The following USP54 variants were observed in gnomAD, a reference collection of about 807,000 sequenced individuals.
USP54 encodes the protein ubiquitin specific peptidase 54, also known as ubiquitin carboxyl-terminal hydrolase 54.
In USP54, 87 loss-of-function variants were observed where a neutral mutation model predicts 170.5. That is an observed-to-expected ratio of 0.51 (90% CI 0.43 to 0.61). The LOEUF is 0.61. Ranked by LOEUF, USP54 falls within the 20% of genes least tolerant of loss-of-function variation. The pLI, the probability that USP54 is intolerant of heterozygous loss-of-function variation, is 0.00. For missense variants in USP54, 1,786 were observed against 2,047.8 expected (o/e 0.87, Z 2.47); for synonymous variants, 655 against 742.8 (o/e 0.88, Z 1.92).
At chr10:73,602,261 A>G (rs117762617) in intron 1 of USP54, among the ~76,000 whole-genome samples, 3,952 of 152,292 alleles carry the variant, frequency 0.026, 64 homozygotes, top group Middle Eastern at 0.048. Context: ...TCATGAAAAA[A>G]TAGTATAATA....
At chr10:73,548,783 A>G (rs1001770843) in intron 4 of USP54, among the ~76,000 whole-genome samples, 1 of 152,188 alleles carries the variant, frequency 6.6e-6, no homozygotes, top group African/African-American at 2.4e-5. Context: ...AATATAAATG[A>G]CGAACTGATG....
intron 1 of USP54, among the ~76,000 whole-genome samples, chr10:73,597,869 G>C (rs2078856281): frequency 6.6e-6 from 1 of 152,150 alleles, no homozygotes; most frequent in Non-Finnish European, 1.5e-5. Context: ...TGGATCACCT[G>C]AGGTTAGGAG....
At chr10:73,613,445 ATT>A (rs557903103) in intron 1 of USP54, among the ~76,000 whole-genome samples, 2 of 144,750 alleles carry the variant, frequency 1.4e-5, no homozygotes, top group Admixed American at 7.0e-5. Flanking sequence ...GCCTACCACC[ATT>A]TTTTTTTTTG....
At chr10:73,564,019 T>G (rs1352851601) in intron 4 of USP54, among the ~76,000 whole-genome samples, 2 of 150,666 alleles carry the variant, frequency 1.3e-5, no homozygotes, top group Non-Finnish European at 3.0e-5. Context: ...AAAAAAACAC[T>G]GAGACAGAGT....
At chr10:73,560,539 C>CT (rs978255597) in intron 4 of USP54, among the ~76,000 whole-genome samples, 4 of 150,592 alleles carry the variant, frequency 2.7e-5, no homozygotes, top group African/African-American at 9.8e-5. Context: ...TGGCGGGTGC[C>CT]TGTAGTCCCA....
intron 15 of USP54, among the ~76,000 whole-genome samples, chr10:73,527,498 C>CAAAAAAAAAAAAAAA (rs931778033): frequency 3.8e-5 from 2 of 52,144 alleles, no homozygotes; most frequent in Non-Finnish European, 8.0e-5. Context: ...CACTCCATCT[C>CAAAAAAAAAAAAAAA]AAAAAAAAAA....
chr10:73,624,342 C>A (rs1251233131), intron 1 of USP54: 1 of 145,218 alleles, frequency 6.9e-6, no homozygotes, highest in Admixed American at 7.1e-5. Context: ...GGATTGCAGG[C>A]GCGCGCCACC....
chr10:73,531,848 T>C (rs2048653724), intron 12 of USP54, among the ~76,000 whole-genome samples: 1 of 152,162 alleles, frequency 6.6e-6, no homozygotes, highest in African/African-American at 2.4e-5. Flanking sequence ...GAGCATGATT[T>C]GATGACAGCA....
intron 4 of USP54, among the ~76,000 whole-genome samples, chr10:73,546,842 A>G (rs987691143): frequency 1.3e-5 from 2 of 152,054 alleles, no homozygotes; most frequent in Admixed American, 1.3e-4. Flanking sequence ...GCTGTCTCCA[A>G]TTTTTTGCTA....
At chr10:73,520,189 T>C (rs1479992712) in intron 18 of USP54, 197 bp from the exon 19 acceptor site, 6 of 716,004 alleles carry the variant, frequency 8.4e-6, no homozygotes, top group East Asian at 5.6e-5. Flanking sequence ...ATGGAAGCCA[T>C]GGAGGCCAAA....
chr10:73,521,749 C>A (rs1214806421), intron 17 of USP54, among the ~76,000 whole-genome samples: 1 of 152,194 alleles, frequency 6.6e-6, no homozygotes. Context: ...AAAACTACCC[C>A]CAAAGAAGTC....
chr10:73,605,255 G>A (rs1262544121), intron 1 of USP54, among the ~76,000 whole-genome samples: 6 of 152,110 alleles, frequency 3.9e-5, no homozygotes, highest in African/African-American at 9.7e-5. Flanking sequence ...TAGTAGAGAC[G>A]GGGTTTTACC....
chr10:73,529,946 G>A (rs1238618934), intron 14 of USP54, 35 bp from the exon 15 acceptor site: 2 of 1,516,104 alleles, frequency 1.3e-6, no homozygotes, highest in South Asian at 2.7e-5. Context: ...GGAAAATGAG[G>A]TAGATTTAGC....
At chr10:73,563,205 C>CA (rs1278026910) in intron 4 of USP54, among the ~76,000 whole-genome samples, 1 of 152,136 alleles carries the variant, frequency 6.6e-6, no homozygotes, top group East Asian at 1.9e-4. Context: ...CCTCCTGCCT[C>CA]AGCCTCCCAA....
intron 1 of USP54, among the ~76,000 whole-genome samples, chr10:73,624,974 A>T (rs995363689): frequency 6.6e-6 from 1 of 151,394 alleles, no homozygotes; most frequent in African/African-American, 2.4e-5. Flanking sequence ...TGCTGCAATT[A>T]AAAAAAAATT....
At chr10:73,588,747 A>G (rs1227662527) in intron 1 of USP54, among the ~76,000 whole-genome samples, 1 of 152,130 alleles carries the variant, frequency 6.6e-6, no homozygotes, top group East Asian at 1.9e-4. Flanking sequence ...TTCCAACCTC[A>G]TCTACCCTTA....
chr10:73,541,892 A>T lies in USP54; in HGVS notation c.573-154T>A, dbSNP rs1275742874. On this transcript the variant is annotated intron_variant, in intron 7 of 23. Transcript: ENST00000687698. ...AGGCTCAGTGTCCCATAAACACAGT[A>T]AGTACCTCTACCTGTCCCCAGATCC... 3 of 666,692 alleles carry T rather than the reference A, an allele frequency of 4.5e-6. No homozygotes were observed. In the East Asian group the frequency reaches 8.3e-5, roughly 18 times the overall value. 41.3% of individuals were successfully genotyped at this position (666,692 alleles called of 1,614,324 possible).
At chr10:73,567,141 A>C (rs1227839449) in intron 4 of USP54, among the ~76,000 whole-genome samples, 3 of 151,908 alleles carry the variant, frequency 2.0e-5, no homozygotes, top group Non-Finnish European at 4.4e-5. Context: ...AGCCTCCCAA[A>C]GTGCTGAGAT....
At chr10:73,600,563 T>G (rs552339563) in intron 1 of USP54, among the ~76,000 whole-genome samples, 47 of 152,152 alleles carry the variant, frequency 3.1e-4, no homozygotes, top group Non-Finnish European at 6.3e-4. Context: ...TTCAAAATAA[T>G]AAACAATTGG....
Sources: gnomAD v4.1 joint callset for allele counts (sites outside exome capture counted in the v4.1 genomes callset) on GRCh38, gnomAD v4.1.1 for gene constraint, MANE v1.5 for transcripts, NCBI Gene and HGNC (gene_info 2026-07-23, HGNC 2026-07-21) for gene names.